KLHL1: variants seen among roughly 807,000 people sequenced by gnomAD.
KLHL1 encodes the protein kelch like family member 1.
Under a neutral mutation model 77.7 loss-of-function variants are expected in KLHL1, and 47 were observed. The observed-to-expected ratio is 0.60, with a 90% CI of 0.48 to 0.77. The LOEUF (loss-of-function observed/expected upper bound fraction) is 0.77. Ranked by LOEUF, KLHL1 falls within the 30% of genes least tolerant of loss-of-function variation. The pLI, the probability that KLHL1 is intolerant of heterozygous loss-of-function variation, is 0.00. For missense variants in KLHL1, 925 were observed against 910.8 expected, an observed-to-expected ratio of 1.02 and a Z score of -0.20; for synonymous variants, 360 against 325.2, an observed-to-expected ratio of 1.11 and a Z score of -1.15.
intron 5 of KLHL1, among the ~76,000 whole-genome samples, chr13:69,877,263 T>G (rs1880805078): frequency 6.6e-6 from 1 of 152,170 alleles, no homozygotes; most frequent in Non-Finnish European, 1.5e-5. Flanking sequence ...ATGGGTATTT[T>G]TAAAATTCAT....
intron 6 of KLHL1, among the ~76,000 whole-genome samples, chr13:69,816,230 A>G (rs1174715289): frequency 1.3e-5 from 2 of 151,644 alleles, no homozygotes; most frequent in Non-Finnish European, 2.9e-5. Flanking sequence ...TGCAATTAAT[A>G]TATAGTAAAT....
At chr13:69,913,985 T>G (rs1364848540) in intron 4 of KLHL1, among the ~76,000 whole-genome samples, 1 of 152,160 alleles carries the variant, frequency 6.6e-6, no homozygotes, top group Admixed American at 6.5e-5. Context: ...AGCTAGAATA[T>G]AAAGCAGGAA....
intron 5 of KLHL1, among the ~76,000 whole-genome samples, chr13:69,844,764 T>A (rs3012095): frequency 0.88 from 133,013 of 150,936 alleles, 59,536 homozygotes; most frequent in East Asian, 0.99. Flanking sequence ...CTTCTGGGTT[T>A]TTTATTTATT....
chr13:69,813,913 A>T (rs577799896), intron 6 of KLHL1, among the ~76,000 whole-genome samples: 3 of 152,298 alleles, frequency 2.0e-5, no homozygotes, highest in African/African-American at 7.2e-5. Context: ...ATTCATATGG[A>T]ACCAAAAAAG....
chr13:69,975,485 C>A, intron 2 of KLHL1, 135 bp downstream of exon 2: 2 of 726,010 alleles, frequency 2.8e-6, no homozygotes, highest in South Asian at 2.2e-5. Flanking sequence ...ACAAAACAAA[C>A]AACAACAACA....
intron 3 of KLHL1, among the ~76,000 whole-genome samples, chr13:69,957,481 A>T (rs1463395079): frequency 6.6e-6 from 1 of 151,718 alleles, no homozygotes; most frequent in Non-Finnish European, 1.5e-5. Context: ...ATATTCCTTG[A>T]TTTACAACGA....
chr13:70,088,887 T>C (rs145868755), intron 1 of KLHL1, among the ~76,000 whole-genome samples: 2 of 152,320 alleles, frequency 1.3e-5, no homozygotes, highest in African/African-American at 4.8e-5. Context: ...ATTTACGTAT[T>C]TTTTATTTGG....
intron 1 of KLHL1, among the ~76,000 whole-genome samples, chr13:70,077,700 G>T (rs1887297748): frequency 6.6e-6 from 1 of 151,976 alleles, no homozygotes; most frequent in Admixed American, 6.6e-5. Flanking sequence ...GAGTATATGG[G>T]AACCCTCTGT....
At chr13:70,046,125 G>A (rs1886489320) in intron 1 of KLHL1, among the ~76,000 whole-genome samples, 1 of 152,062 alleles carries the variant, frequency 6.6e-6, no homozygotes, top group Non-Finnish European at 1.5e-5. Flanking sequence ...GAAGCCAGTG[G>A]AATAGACCAT....
At chr13:69,918,653 TC>T (rs1182586186) in intron 4 of KLHL1, among the ~76,000 whole-genome samples, 2 of 152,108 alleles carry the variant, frequency 1.3e-5, no homozygotes, top group Non-Finnish European at 2.9e-5. Context: ...ATTACAGTCT[TC>T]CTTAACAAGA....
intron 7 of KLHL1, among the ~76,000 whole-genome samples, chr13:69,768,804 C>T (rs1044201070): frequency 6.6e-5 from 10 of 152,104 alleles, no homozygotes; most frequent in Non-Finnish European, 1.3e-4. Flanking sequence ...AGATCCTACT[C>T]ACTAAAAGCA....
intron 1 of KLHL1, among the ~76,000 whole-genome samples, chr13:70,082,638 G>T (rs1887424783): frequency 6.6e-6 from 1 of 152,130 alleles, no homozygotes; most frequent in East Asian, 1.9e-4. Flanking sequence ...TTTAAATACA[G>T]GTACATGTGC....
chr13:69,852,496 C>T (rs991358322), intron 5 of KLHL1, among the ~76,000 whole-genome samples: 4 of 151,826 alleles, frequency 2.6e-5, no homozygotes, highest in Non-Finnish European at 4.4e-5. Context: ...TTTGTTTTAG[C>T]CTTATTTCAA....
intron 6 of KLHL1, among the ~76,000 whole-genome samples, chr13:69,835,071 G>C (rs1300471171): frequency 6.6e-6 from 1 of 152,116 alleles, no homozygotes; most frequent in Non-Finnish European, 1.5e-5. Context: ...ATGTCAATGA[G>C]TCTACCTTAC....
At chr13:70,036,329 AAT>A (rs1255929943) in intron 1 of KLHL1, among the ~76,000 whole-genome samples, 14 of 152,038 alleles carry the variant, frequency 9.2e-5, no homozygotes, top group Non-Finnish European at 1.6e-4. Context: ...TGTATATGTA[AAT>A]ATAAGAAATT....
At chr13:69,713,717 A>G (rs186649667) in intron 9 of KLHL1, among the ~76,000 whole-genome samples, 11,260 of 151,940 alleles carry the variant, frequency 0.074, 511 homozygotes, top group Middle Eastern at 0.13. Flanking sequence ...TTTTTTTTTC[A>G]TATTTTAGTT....
At chr13:69,913,556 T>C (rs2138248544) in intron 4 of KLHL1, among the ~76,000 whole-genome samples, 1 of 152,348 alleles carries the variant, frequency 6.6e-6, no homozygotes, top group African/African-American at 2.4e-5. Context: ...CAGAGCTATG[T>C]ATCATTTTGT....
intron 8 of KLHL1, among the ~76,000 whole-genome samples, chr13:69,732,040 G>T (rs1873569303): frequency 6.6e-6 from 1 of 152,016 alleles, no homozygotes; most frequent in Admixed American, 6.6e-5. Context: ...CTCAAAATAA[G>T]GTGGTTATAA....
chr13:69,714,294 G>C lies in KLHL1; in HGVS notation c.2015+5075C>G, dbSNP rs574111156. On this transcript the variant is annotated intron_variant, in intron 9 of 10. Transcript: ENST00000377844. The stretch of plus-strand genomic sequence containing the variant: ...TCAAGGTTGAGGAGAGGAGAAATGA[G>C]TTGTTGACAGAACAAAAAGAAAACA... 5.3e-5 allele frequency among the ~76,000 whole-genome samples: 8 copies of C among 152,210 alleles called. No homozygotes were observed. The South Asian group carries it at 1.7e-3, about 32-fold the overall frequency.
Sources: allele counts gnomAD v4.1 joint callset (sites outside exome capture counted in the v4.1 genomes callset), GRCh38; gene constraint gnomAD v4.1.1; transcripts MANE v1.5; gene names NCBI Gene and HGNC (gene_info 2026-07-23, HGNC 2026-07-21).